HOXD3: variants seen among roughly 807,000 people sequenced by gnomAD.
The protein encoded by HOXD3 is homeobox protein Hox-D3.
Under a neutral mutation model 32.8 loss-of-function variants are expected in HOXD3, and 13 were observed. The observed-to-expected ratio is 0.40, with a 90% confidence interval of 0.26 to 0.63. The LOEUF (loss-of-function observed/expected upper bound fraction) is 0.63. Ranked by LOEUF, HOXD3 falls within the 20% of genes least tolerant of loss-of-function variation. The pLI is 0.44. For synonymous variants in HOXD3, 241 were observed against 246.8 expected (o/e 0.98, Z 0.22); for missense variants, 504 against 577.1 (o/e 0.87, Z 1.30).
rs1691095278 is a variant in HOXD3, at chr2:176,169,260, C to T, written c.146C>T (p.Pro49Leu). 1 of 1,614,090 alleles carries T rather than the reference C, an allele frequency of 6.2e-7. No individual in the cohort carries two copies. Among genetic ancestry groups the T allele is most frequent in the Non-Finnish European group, 8.5e-7 (1 of 1,179,994 alleles). The change falls in exon 3 of 4, where the codon CCC becomes CTC. Residue 49 changes from proline to leucine, a missense_variant. By Grantham distance (98) the Pro-to-Leu change is moderately conservative. Around this residue, in one of 3 missense-constraint regions of HOXD3, gnomAD observed 181 missense variants for 172.2 expected, o/e 1.05. Transcript: ENST00000683222. ...TACGGCTACAGCACCCCCCACCAGC[C>T]CTACCCACCCCCTGCTGCTGCCAGC... ...DTYGYSTPHQ[P>L]YPPPAAASSL...
At chr2:176,168,261 C>CA (rs34436368) in intron 2 of HOXD3, among the ~76,000 whole-genome samples, 46,874 of 103,212 alleles carry the variant, frequency 0.45, 11,417 homozygotes, top group East Asian at 0.73. Context: ...CCTGTCTCTA[C>CA]AAAAAAAAAA....
At chr2:176,154,519 AGG>A (rs1275790551), upstream of HOXD3, among the ~76,000 whole-genome samples, 1 of 152,198 alleles carries the variant, frequency 6.6e-6, no homozygotes. Flanking sequence ...AAGATCCAGA[AGG>A]GGGGTATTTT....
In HOXD3 at chr2:176,157,401, GCCCCCGGCCCTCCA is replaced by G. The variant is rs1446236885; in HGVS notation, c.-221_-208del. Among the ~76,000 whole-genome samples the G allele has an allele frequency of 1.3e-5, 2 of 152,110 alleles. No homozygotes were observed. The highest frequency in any genetic ancestry group is 1.9e-4 in the East Asian group (1 of 5,182). On this transcript the variant is annotated 5_prime_UTR_variant, in exon 1 of 4. Coordinates refer to ENST00000683222, the MANE Select transcript of HOXD3 (RefSeq NM_006898.5). The stretch of plus-strand genomic sequence containing the variant: ...CACCCGTCCAGGGGGGCCGCGCGGT[GCCCCCGGCCCTCCA>G]CCCCCGGCCCCCGGCGGGCGCGGGA...
chr2:176,158,330 TCACCGG>T (rs1300909332), intron 1 of HOXD3, among the ~76,000 whole-genome samples: 1 of 152,172 alleles, frequency 6.6e-6, no homozygotes, highest in African/African-American at 2.4e-5. Context: ...CTGCCTTTTT[TCACCGG>T]CACTCCAAGA....
chr2:176,165,156 C>A (rs998972764), intron 2 of HOXD3: 1 of 152,212 alleles, frequency 6.6e-6, no homozygotes, highest in Non-Finnish European at 1.5e-5. Context: ...AAGTGCCGGG[C>A]CTTGGGAAGT....
upstream of HOXD3, among the ~76,000 whole-genome samples, chr2:176,155,950 CT>C (rs1690636597): frequency 6.6e-6 from 1 of 152,028 alleles, no homozygotes; most frequent in African/African-American, 2.4e-5. Context: ...ACACGAGATG[CT>C]TTTTTAATAG....
chr2:176,158,162 A>G (rs942043280), intron 1 of HOXD3, among the ~76,000 whole-genome samples: 1 of 151,818 alleles, frequency 6.6e-6, no homozygotes, highest in Non-Finnish European at 1.5e-5. Flanking sequence ...TTGTGTTTGT[A>G]TTTTTTATTT....
At chr2:176,171,131 G>C (rs553608408) in intron 3 of HOXD3, among the ~76,000 whole-genome samples, 2 of 152,232 alleles carry the variant, frequency 1.3e-5, no homozygotes, top group South Asian at 4.1e-4. Flanking sequence ...GCAGAGGCTG[G>C]GAGGAGTGTT....
chr2:176,152,822 C>T, upstream of HOXD3: 2 of 1,614,196 alleles, frequency 1.2e-6, no homozygotes, highest in East Asian at 2.2e-5. This position sits in a 1 kb window ranked among gnomAD's most constrained non-coding sequence, Gnocchi z 5.2. Context: ...ATAAGCTGCC[C>T]AACACTAAAG....
upstream of HOXD3, among the ~76,000 whole-genome samples, chr2:176,154,583 A>G (rs533525973): frequency 6.6e-6 from 1 of 152,338 alleles, no homozygotes; most frequent in South Asian, 2.1e-4. Flanking sequence ...TTTAAAAAAT[A>G]TATTTAAGTG....
intron 1 of HOXD3, among the ~76,000 whole-genome samples, chr2:176,157,969 G>A (rs372151147): frequency 1.3e-3 from 198 of 152,264 alleles, no homozygotes; most frequent in Non-Finnish European, 2.2e-3. Flanking sequence ...TTCAAGCGAG[G>A]GTCGTAAATT....
At chr2:176,163,791 C>T (rs1035331558) in intron 1 of HOXD3, among the ~76,000 whole-genome samples, 7 of 152,116 alleles carry the variant, frequency 4.6e-5, no homozygotes, top group Non-Finnish European at 7.3e-5. Context: ...GATTGGCTTC[C>T]CTGCACCTCT....
At chr2:176,152,933 G>A, upstream of HOXD3, 1 of 1,614,088 alleles carries the variant, frequency 6.2e-7, no homozygotes, top group Non-Finnish European at 8.5e-7. This position sits in a 1 kb window ranked among gnomAD's most constrained non-coding sequence, Gnocchi z 5.2. Flanking sequence ...CGGACCTGAC[G>A]ACCTTATAGA....
rs140952976 is a variant in HOXD3 at position 176,169,198 on chromosome 2, G to C, written c.84G>C (p.Leu28=). Residue 28 remains leucine (L), a synonymous_variant, in exon 3 of 4, where the codon CTG becomes CTC. Coordinates refer to ENST00000683222, the MANE Select transcript of HOXD3 (RefSeq NM_006898.5). ...CTGCTTACTATGAAAACCCAGGACT[G>C]TTTGGAGGCTATGGCTACAGCAAAA... ...QKAAYYENPG[L]FGGYGYSKTT... is the part of the protein sequence containing the mutation. 1.7e-4 allele frequency: 277 copies of C among 1,614,196 alleles called. 1 individual carries two copies. In the East Asian group the frequency reaches 2.4e-3, roughly 14 times the overall value.
upstream of HOXD3, chr2:176,152,988 C>CGAAGCT (rs2105424170): frequency 1.3e-6 from 2 of 1,584,558 alleles, no homozygotes; most frequent in East Asian, 4.5e-5. The surrounding 1 kb of genome is among the most constrained non-coding windows in gnomAD (Gnocchi z 5.2). Context: ...CAGGCTGAGC[C>CGAAGCT]GAAGCTGCGG....
upstream of HOXD3, among the ~76,000 whole-genome samples, chr2:176,156,665 C>T (rs1049308843): frequency 2.0e-4 from 31 of 152,160 alleles, no homozygotes; most frequent in Non-Finnish European, 5.9e-5. Flanking sequence ...GCCCCCTCCA[C>T]CCCTCAGGCA....
intron 2 of HOXD3, among the ~76,000 whole-genome samples, chr2:176,168,081 C>T (rs1691038353): frequency 6.6e-6 from 1 of 152,080 alleles, no homozygotes; most frequent in Non-Finnish European, 1.5e-5. Context: ...ACTCTTCTTA[C>T]ATTTAGGAAA....
At chr2:176,159,141 G>A (rs1172677906) in intron 1 of HOXD3, among the ~76,000 whole-genome samples, 4 of 151,056 alleles carry the variant, frequency 2.6e-5, no homozygotes, top group East Asian at 3.9e-4. Flanking sequence ...ACAAATTCCC[G>A]CAAAGCAGCC....
rs1293088287 is a variant in HOXD3 at position 176,172,340 on chromosome 2, G to T, written c.*66G>T. 7.1e-7 allele frequency: 1 copy of T among 1,416,250 alleles called. No individual in the cohort carries two copies. The highest frequency in any genetic ancestry group is 1.4e-5 in the African/African-American group (1 of 70,036). The allele number at this position is 1,416,250 out of a possible 1,614,324, so 87.7% of individuals were successfully genotyped here. A position where few individuals can be genotyped will look rare whatever the true frequency, so the allele number is the denominator to read the frequency against. ...TTGCTGTAGTGGTGGGGTAGAGGGTGGGGCCCGCGGGGCAGTTCGGGAACC... is the reference window on the plus strand; with the variant it reads ...TTGCTGTAGTGGTGGGGTAGAGGGTTGGGCCCGCGGGGCAGTTCGGGAACC... On this transcript the variant is annotated 3_prime_UTR_variant, in exon 4 of 4. Coordinates refer to ENST00000683222, the MANE Select transcript of HOXD3 (RefSeq NM_006898.5).
Sources: gnomAD v4.1 joint callset for allele counts (sites outside exome capture counted in the v4.1 genomes callset) on GRCh38, gnomAD v4.1.1 for gene constraint, gnomAD v4.1.1 regional missense constraint, Gnocchi (gnomAD v3.1) non-coding constraint, MANE v1.5 for transcripts, NCBI Gene and HGNC (gene_info 2026-07-23, HGNC 2026-07-21) for gene names.